CNTNAP4: variants seen among roughly 807,000 people sequenced by gnomAD.
CNTNAP4 encodes the protein contactin-associated protein-like 4.
A neutral mutation model predicts 148.4 loss-of-function variants in CNTNAP4; 98 were observed. The observed-to-expected ratio is 0.66, with a 90% CI of 0.56 to 0.78. CNTNAP4 has a LOEUF of 0.78. CNTNAP4 is among the 30% of genes least tolerant of loss of function. The pLI, the probability that CNTNAP4 is intolerant of heterozygous loss-of-function variation, is 0.00. For synonymous variants in CNTNAP4, 730 were observed against 565.1 expected (o/e 1.29, Z -4.14); for missense variants, 1,935 against 1,565.6 (o/e 1.24, Z -3.98).
intron 1 of CNTNAP4, among the ~76,000 whole-genome samples, chr16:76,307,503 C>A: frequency 1.1e-5 from 1 of 91,724 alleles, no homozygotes; most frequent in Admixed American, 1.3e-4. Flanking sequence ...ATTTTAAATG[C>A]ATATATATAT....
chr16:76,539,848 T>C lies in CNTNAP4; in HGVS notation c.3350T>C (p.Ile1117Thr). Residue 1117 changes from isoleucine to threonine, a missense_variant, in exon 20 of 24, where the codon ATA (isoleucine) becomes ACA (threonine). Ile to Thr is a moderately conservative substitution (Grantham distance 89, BLOSUM62 -1). Transcript: ENST00000611870. Reference protein sequence around the residue: ...MINREEGVVFIEIDDNRRRQV... With the variant: ...MINREEGVVFTEIDDNRRRQV... ...AACAGAGAAGAAGGAGTGGTCTTTA[T>C]AGAGGTAATGTAGTAAATTCAGCAG... is the stretch of plus-strand genomic sequence containing the variant. 1.3e-6 allele frequency: 2 copies of C among 1,585,548 alleles called. No individual in the cohort carries two copies. The highest frequency in any genetic ancestry group is 8.5e-7 in the Non-Finnish European group (1 of 1,170,588).
intron 3 of CNTNAP4, among the ~76,000 whole-genome samples, chr16:76,411,840 G>C (rs1464027364): frequency 1.3e-5 from 2 of 151,168 alleles, no homozygotes; most frequent in Non-Finnish European, 3.0e-5. Context: ...TTCAGAAAAA[G>C]ACAAAAAGCA....
At chr16:76,437,759 A>G (rs1489352937) in intron 4 of CNTNAP4, among the ~76,000 whole-genome samples, 1 of 152,120 alleles carries the variant, frequency 6.6e-6, no homozygotes, top group East Asian at 1.9e-4. Context: ...CTTTAATTAA[A>G]TATTTTAGGT....
At position 76,448,826 on chromosome 16, in the gene CNTNAP4, G is replaced by C; in HGVS notation, c.802G>C (p.Asp268His). The change falls in exon 6 of 24, where the codon GAT becomes CAT. Residue 268 changes from aspartate (D) to histidine (H), a missense_variant. Transcript: ENST00000611870. Reference sequence around the variant, plus strand: ...CAATCTCACCCTGGGCAGCCTGCTAGATGATCAGCATTGGCATTCAGTGCT... The same window carrying C: ...CAATCTCACCCTGGGCAGCCTGCTACATGATCAGCATTGGCATTCAGTGCT... ...LVNLTLGSLL[D>H]DQHWHSVLIQ... 1 of 1,612,662 alleles carries C rather than the reference G, an allele frequency of 6.2e-7. No homozygotes were observed. Among genetic ancestry groups the C allele is most frequent in the East Asian group, 2.2e-5 (1 of 44,824 alleles).
intron 3 of CNTNAP4, among the ~76,000 whole-genome samples, chr16:76,413,939 C>T (rs757812113): frequency 6.6e-6 from 1 of 150,918 alleles, no homozygotes; most frequent in African/African-American, 2.4e-5. Context: ...ATCTAACAGA[C>T]TTGCTAAACT....
intron 14 of CNTNAP4, 154 bp downstream of exon 14, chr16:76,495,220 A>T: frequency 1.3e-6 from 1 of 742,438 alleles, no homozygotes; most frequent in Non-Finnish European, 2.2e-6. Context: ...AGTCAATATA[A>T]TCGTTAGTAT....
At chr16:76,419,404 AG>A (rs2144982019) in intron 3 of CNTNAP4, among the ~76,000 whole-genome samples, 1 of 152,158 alleles carries the variant, frequency 6.6e-6, no homozygotes, top group Non-Finnish European at 1.5e-5. Context: ...TGACAGAGCC[AG>A]AAGGGAGTCT....
chr16:76,539,032 A>G (rs1370835238), intron 19 of CNTNAP4, among the ~76,000 whole-genome samples: 2 of 152,000 alleles, frequency 1.3e-5, no homozygotes, highest in Non-Finnish European at 2.9e-5. Context: ...TGTACTGAAC[A>G]CCAAAATAAA....
chr16:76,525,181 A>T (rs2083664390), intron 17 of CNTNAP4, among the ~76,000 whole-genome samples: 1 of 152,110 alleles, frequency 6.6e-6, no homozygotes, highest in South Asian at 2.1e-4. Flanking sequence ...AATTTAAGAA[A>T]AATTGTAACT....
chr16:76,488,228 A>C (rs1180968621), intron 12 of CNTNAP4, among the ~76,000 whole-genome samples: 1 of 152,146 alleles, frequency 6.6e-6, no homozygotes, highest in Non-Finnish European at 1.5e-5. Context: ...TCCTAAGGGC[A>C]CAAGATCCAT....
chr16:76,437,807 A>G lies in CNTNAP4; in HGVS notation c.539-10205A>G, dbSNP rs7204934. 3.6e-3 allele frequency among the ~76,000 whole-genome samples: 550 copies of G among 152,256 alleles called. 5 individuals are homozygous for G. The highest frequency in any genetic ancestry group is 0.013 in the African/African-American group (533 of 41,574). ...TGAATAATAGAATTAGAAAATGTCT[A>G]TTTGGCAGCACTAAATAAATGACTG... is the stretch of plus-strand genomic sequence containing the variant. On this transcript the variant is annotated intron_variant, in intron 4 of 23. Coordinates refer to ENST00000611870, the MANE Select transcript of CNTNAP4 (RefSeq NM_033401.5).
chr16:76,550,722 A>G (rs1430589834), intron 21 of CNTNAP4, among the ~76,000 whole-genome samples: 2 of 151,716 alleles, frequency 1.3e-5, no homozygotes, highest in African/African-American at 4.8e-5. Context: ...TTTCATGTAT[A>G]TATGTTTAAA....
intron 3 of CNTNAP4, among the ~76,000 whole-genome samples, chr16:76,411,810 A>C (rs1289553674): frequency 6.6e-6 from 1 of 151,454 alleles, no homozygotes; most frequent in Non-Finnish European, 1.5e-5. Flanking sequence ...GTAACTTTTT[A>C]TAATGAAAGA....
At chr16:76,466,107 C>T (rs554193470) in intron 9 of CNTNAP4, among the ~76,000 whole-genome samples, 1 of 152,190 alleles carries the variant, frequency 6.6e-6, no homozygotes, top group South Asian at 2.1e-4. Flanking sequence ...AAATAATAAC[C>T]ACCCATCTAG....
At chr16:76,310,660 C>T (rs530652766) in intron 1 of CNTNAP4, among the ~76,000 whole-genome samples, 74 of 152,252 alleles carry the variant, frequency 4.9e-4, no homozygotes, top group African/African-American at 1.8e-3. Flanking sequence ...TTATTCTAGT[C>T]TGTTCTGTAA....
At chr16:76,457,811 A>T (rs28451751) in intron 8 of CNTNAP4, among the ~76,000 whole-genome samples, 4 of 139,090 alleles carry the variant, frequency 2.9e-5, no homozygotes, top group African/African-American at 5.0e-5. Context: ...ATTTTTTTTT[A>T]ATTTTAGATT....
At chr16:76,348,326 A>G (rs1965084009) in intron 2 of CNTNAP4, among the ~76,000 whole-genome samples, 1 of 152,104 alleles carries the variant, frequency 6.6e-6, no homozygotes, top group South Asian at 2.1e-4. Flanking sequence ...CAAGTAGAAT[A>G]GAATTCTCCA....
chr16:76,536,972 A>T (rs2084239557), intron 18 of CNTNAP4, among the ~76,000 whole-genome samples: 1 of 152,186 alleles, frequency 6.6e-6, no homozygotes, highest in Non-Finnish European at 1.5e-5. Flanking sequence ...AAAGCATGGG[A>T]TGAGTTAATA....
chr16:76,290,169 G>A (rs571487168), intron 1 of CNTNAP4, among the ~76,000 whole-genome samples: 1 of 152,176 alleles, frequency 6.6e-6, no homozygotes, highest in African/African-American at 2.4e-5. Context: ...TTACAAACTA[G>A]GAAACAAATT....
Sources: gnomAD v4.1 joint callset for allele counts (sites outside exome capture counted in the v4.1 genomes callset) on GRCh38, gnomAD v4.1.1 for gene constraint, MANE v1.5 for transcripts, NCBI Gene and HGNC (gene_info 2026-07-23, HGNC 2026-07-21) for gene names.